The following KCNT1 variants were observed in gnomAD, a reference collection of about 807,000 sequenced individuals.
KCNT1 encodes potassium channel subfamily T member 1.
Under a neutral mutation model 147.8 loss-of-function variants are expected in KCNT1, and 78 were observed. That is an observed-to-expected ratio of 0.53 (90% CI 0.44 to 0.64). The LOEUF (loss-of-function observed/expected upper bound fraction) is 0.64, where lower values mean the gene tolerates loss of function less well. KCNT1 is among the 30% of genes least tolerant of loss of function. The pLI, the probability that KCNT1 is intolerant of heterozygous loss-of-function variation, is 0.00. For missense variants in KCNT1, 1,419 were observed against 1,750.3 expected (o/e 0.81, Z 3.38); for synonymous variants, 867 against 748.8 (o/e 1.16, Z -2.58).
At position 135,794,773 on chromosome 9, in the gene KCNT1, G is replaced by C. The variant is rs1359035729; in HGVS notation, c.*2612G>C. 1 of 151,974 alleles carries C rather than the reference G, an allele frequency of 6.6e-6. No homozygotes were observed. The highest frequency in any genetic ancestry group is 1.5e-5 in the Non-Finnish European group (1 of 68,036). The allele number at this position is 151,974 out of a possible 1,614,324, so 9.4% of individuals were successfully genotyped here. On this transcript the variant is annotated 3_prime_UTR_variant, in exon 31 of 31. Coordinates refer to ENST00000371757, the MANE Select transcript of KCNT1 (RefSeq NM_020822.3). ...TGTGTTCTTCATCTCCAGGTTTAGG[G>C]AGCACCCGGGTGCCTCTCTGCTTGT...
intron 15 of KCNT1, 28 bp downstream of exon 15, chr9:135,768,965 G>C (rs770171283): frequency 1.3e-5 from 21 of 1,556,716 alleles, no homozygotes; most frequent in Admixed American, 8.7e-5. Context: ...GTGGGTGATG[G>C]TGTATCTGGG....
intron 10 of KCNT1, 83 bp downstream of exon 10, chr9:135,758,591 T>G: frequency 9.0e-7 from 1 of 1,106,786 alleles, no homozygotes; most frequent in Non-Finnish European, 1.4e-6. Flanking sequence ...GGGATACAGA[T>G]GCCTATGTCC....
chr9:135,709,687 G>A (rs915606225), intron 1 of KCNT1, among the ~76,000 whole-genome samples: 4 of 151,944 alleles, frequency 2.6e-5, no homozygotes, highest in Admixed American at 6.6e-5. Context: ...CCTTTGAGTC[G>A]TTTTCTTTTT....
At chr9:135,725,301 G>A (rs1056536202) in intron 2 of KCNT1, among the ~76,000 whole-genome samples, 1 of 152,244 alleles carries the variant, frequency 6.6e-6, no homozygotes, top group Admixed American at 6.5e-5. Flanking sequence ...TGTGGCTTAT[G>A]TAGAAACACG....
chr9:135,789,571 A>G (rs1834343756), intron 29 of KCNT1: 1 of 152,194 alleles, frequency 6.6e-6, no homozygotes. Context: ...ATAGAGAAGG[A>G]AACTGAGGCT....
chr9:135,704,948 C>G (rs545254217), intron 1 of KCNT1, among the ~76,000 whole-genome samples: 1 of 152,312 alleles, frequency 6.6e-6, no homozygotes, highest in Admixed American at 6.5e-5. Flanking sequence ...AGTAACAGCT[C>G]AGGAGGACAG....
intron 11 of KCNT1, among the ~76,000 whole-genome samples, chr9:135,763,573 C>T (rs952964292): frequency 9.2e-5 from 14 of 152,094 alleles, no homozygotes; most frequent in African/African-American, 3.1e-4. Flanking sequence ...TGTCCCATGC[C>T]TCTCTCCAGC....
At chr9:135,783,241 C>T (rs1049272580) in intron 24 of KCNT1, among the ~76,000 whole-genome samples, 11 of 152,224 alleles carry the variant, frequency 7.2e-5, no homozygotes, top group Admixed American at 7.2e-4. Flanking sequence ...GAGCATCCGG[C>T]AGGTTCACGC....
At chr9:135,754,798 G>A (rs1264989501) in intron 5 of KCNT1, among the ~76,000 whole-genome samples, 2 of 152,218 alleles carry the variant, frequency 1.3e-5, no homozygotes, top group East Asian at 1.9e-4. Context: ...TGTCCAGAGA[G>A]GAGAAGCTTT....
chr9:135,764,525 G>A (rs1197375893), intron 11 of KCNT1, among the ~76,000 whole-genome samples: 1 of 152,142 alleles, frequency 6.6e-6, no homozygotes, highest in Admixed American at 6.5e-5. Flanking sequence ...AGGCCCCGGT[G>A]GCCTCTGTTT....
At position 135,752,357 on chromosome 9, in the gene KCNT1, T is replaced by C. The variant is rs10735239; in HGVS notation, c.434+1316T>C. The C allele has an allele frequency of 0.47, 214,477 of 456,122 alleles. 51,694 individuals carry two copies. Among genetic ancestry groups the C allele is most frequent in the South Asian group, 0.61 (39,383 of 64,540 alleles). 28.3% of individuals were successfully genotyped at this position (456,122 alleles called of 1,614,324 possible). On this transcript the variant is annotated intron_variant, in intron 4 of 30. Transcript: ENST00000371757. The surrounding 1 kb of genome is among the most constrained non-coding windows in gnomAD (Gnocchi z 5.1). ...CCAGAGACTTTCCCTCTCCTAAGAA[T>C]GAACCTCCTGTCTTTGTCTAGGTCA...
chr9:135,742,828 A>G, intron 2 of KCNT1: 3 of 716,950 alleles, frequency 4.2e-6, no homozygotes, highest in Non-Finnish European at 5.2e-6. Flanking sequence ...GTGCTTTGCA[A>G]GGGAGGAACT....
chr9:135,778,541 C>T (rs1833347524), intron 22 of KCNT1, 46 bp downstream of exon 22: 1 of 1,602,900 alleles, frequency 6.2e-7, no homozygotes, highest in South Asian at 1.1e-5. Context: ...ACACCCACCC[C>T]TCCCCTCCTC....
intron 2 of KCNT1, among the ~76,000 whole-genome samples, chr9:135,742,468 G>A (rs1176926548): frequency 3.3e-5 from 5 of 152,282 alleles, no homozygotes; most frequent in South Asian, 2.1e-4. Context: ...GGGTGCATGC[G>A]CGGGGACCTC....
At chr9:135,738,495 C>T (rs1054529778) in intron 2 of KCNT1, among the ~76,000 whole-genome samples, 1 of 152,144 alleles carries the variant, frequency 6.6e-6, no homozygotes, top group Non-Finnish European at 1.5e-5. Context: ...GTGTGGTCTG[C>T]CCCAGGGAGC....
At chr9:135,765,962 G>T (rs1424704454) in intron 13 of KCNT1, among the ~76,000 whole-genome samples, 1 of 152,078 alleles carries the variant, frequency 6.6e-6, no homozygotes, top group Non-Finnish European at 1.5e-5. Flanking sequence ...ATCGTCTGGG[G>T]TGGACCATTC....
intron 30 of KCNT1, 40 bp from the exon 31 acceptor site, chr9:135,792,001 G>C (rs112181539): frequency 6.2e-7 from 1 of 1,602,406 alleles, no homozygotes; most frequent in African/African-American, 1.3e-5. Flanking sequence ...GGGGCTGCCC[G>C]GCCCACATCC....
At chr9:135,765,251 C>T (rs1832182803) in intron 12 of KCNT1, 56 bp downstream of exon 12, 2 of 1,526,640 alleles carry the variant, frequency 1.3e-6, no homozygotes, top group Non-Finnish European at 9.0e-7. Context: ...CTAGAGACGC[C>T]ATCCTCTCCC....
chr9:135,758,910 ATGCCCACTG>A (rs202222090), intron 10 of KCNT1, among the ~76,000 whole-genome samples: 8,486 of 152,274 alleles, frequency 0.056, 339 homozygotes, highest in Admixed American at 0.11. Flanking sequence ...CCACCCAGGC[ATGCCCACTG>A]TGCCCACCTG....
Sources: gnomAD v4.1 joint callset for allele counts (sites outside exome capture counted in the v4.1 genomes callset) on GRCh38, gnomAD v4.1.1 for gene constraint, Gnocchi (gnomAD v3.1) non-coding constraint, MANE v1.5 for transcripts, NCBI Gene and HGNC (gene_info 2026-07-23, HGNC 2026-07-21) for gene names.